Variants in MEGF6 observed in about 807,000 individuals in gnomAD.
MEGF6 encodes multiple epidermal growth factor-like domains protein 6.
In MEGF6, 184 loss-of-function variants were observed where a neutral mutation model predicts 207.1. That is an observed-to-expected ratio of 0.89 (90% CI 0.79 to 1.00). The LOEUF (loss-of-function observed/expected upper bound fraction) is 1.00. Among genes scored for constraint, MEGF6 ranks in the 50% least tolerant of loss-of-function variants. The pLI is 0.00. For missense variants in MEGF6, 2,282 were observed against 2,202.9 expected (o/e 1.04, Z -0.72); for synonymous variants, 1,038 against 910.0 (o/e 1.14, Z -2.53).
rs543749513 is a variant in MEGF6 at position 3,527,147 on chromosome 1, C to T, written c.482-2901G>A. ...CCCACCACCCTCCGGTTCCCACCCA[C>T]GGTCCCTGTGAAAATGCCCACCTTC... On this transcript the variant is annotated intron_variant, in intron 4 of 36. Coordinates refer to ENST00000356575, the MANE Select transcript of MEGF6 (RefSeq NM_001409.4). Among the ~76,000 whole-genome samples, 6 of 152,346 alleles carry T rather than the reference C, an allele frequency of 3.9e-5. No homozygotes were observed. In the East Asian group the frequency reaches 5.8e-4, roughly 15 times the overall value.
chr1:3,500,890 G>A (rs1022441927), intron 20 of MEGF6, 76 bp downstream of exon 20: 7 of 1,605,108 alleles, frequency 4.4e-6, no homozygotes, highest in African/African-American at 4.0e-5. Flanking sequence ...GTCCTCGGGG[G>A]CCCTGGGCAG....
intron 4 of MEGF6, among the ~76,000 whole-genome samples, chr1:3,555,401 C>T (rs575165695): frequency 8.5e-5 from 13 of 152,318 alleles, no homozygotes; most frequent in Admixed American, 1.3e-4. Flanking sequence ...ACCCCCAAGC[C>T]GCTCTGGGCC....
intron 3 of MEGF6, among the ~76,000 whole-genome samples, 169 bp from the exon 4 acceptor site, chr1:3,580,098 G>A (rs1304231501): frequency 6.6e-6 from 1 of 152,146 alleles, no homozygotes; most frequent in Non-Finnish European, 1.5e-5. Context: ...AGGCTGGCGT[G>A]TCCCCAAACT....
intron 4 of MEGF6, among the ~76,000 whole-genome samples, chr1:3,548,804 C>T (rs1039487247): frequency 2.0e-5 from 3 of 152,322 alleles, no homozygotes; most frequent in East Asian, 1.9e-4. Context: ...GGCAGCCTCA[C>T]AGCCACCCAC....
At chr1:3,509,362 T>A (rs1641246942) in intron 11 of MEGF6, 117 bp from the exon 12 acceptor site, 4 of 824,830 alleles carry the variant, frequency 4.8e-6, no homozygotes, top group Non-Finnish European at 6.9e-6. Flanking sequence ...ACCCTCCTAC[T>A]GCCTCCACTA....
the MEGF6 span, among the ~76,000 whole-genome samples, chr1:3,619,754 G>C: frequency 6.6e-6 from 1 of 152,196 alleles, no homozygotes. Flanking sequence ...TTCTTTATAG[G>C]AGTGTGAACG....
intron 31 of MEGF6, 44 bp from the exon 32 acceptor site, chr1:3,494,543 C>T: frequency 1.3e-6 from 2 of 1,569,526 alleles, no homozygotes; most frequent in Non-Finnish European, 8.6e-7. Flanking sequence ...ACCAGCCTTG[C>T]CCAGCCCTAT....
At chr1:3,530,991 G>A (rs555597474) in intron 4 of MEGF6, 8 of 1,389,092 alleles carry the variant, frequency 5.8e-6, no homozygotes, top group African/African-American at 1.5e-5. Flanking sequence ...GCAGCGCCCT[G>A]GCGCAAACTT....
Position 3,610,473 on chromosome 1 carries a change from C to CCCTCCTCCT in MEGF6, c.131+656_131+664dup, listed in dbSNP as rs879724888. On this transcript the variant is annotated intron_variant, in intron 1 of 36. Coordinates refer to ENST00000356575, the MANE Select transcript of MEGF6 (RefSeq NM_001409.4). ...TGCTGGGTGGGGGCGCCAGCGACTC[C>CCCTCCTCCT]CCTCCTCCTCCTCCTCCTCCTCCTC... 6.1e-5 allele frequency among the ~76,000 whole-genome samples: 9 copies of CCCTCCTCCT among 146,452 alleles called. No homozygotes were observed. The East Asian group carries it at 8.3e-4, about 14-fold the overall frequency.
rs758462490 is a variant in MEGF6 at position 3,498,487 on chromosome 1, C to G, written c.3236G>C (p.Arg1079Pro). 2 of 1,577,804 alleles carry G rather than the reference C, an allele frequency of 1.3e-6. No homozygotes were observed. Among genetic ancestry groups the G allele is most frequent in the Non-Finnish European group, 1.7e-6 (2 of 1,163,798 alleles). ...GLACEKECLP[R>P]DVRAGCRHSG... ...GTGCCGGCAGCCAGCTCTGACGTCC[C>G]GGGGGAGGCACTCTACAGGAGCAGA... The change falls in exon 26 of 37, where the codon CGG becomes CCG. Residue 1079 changes from arginine to proline, a missense_variant. By Grantham distance (103) the Arg-to-Pro change is moderately radical. Coordinates refer to ENST00000356575, the MANE Select transcript of MEGF6 (RefSeq NM_001409.4).
chr1:3,582,130 C>T (rs371716418), intron 3 of MEGF6, among the ~76,000 whole-genome samples: 2 of 152,202 alleles, frequency 1.3e-5, no homozygotes, highest in South Asian at 2.1e-4. Context: ...ACACCAGGCC[C>T]GGGGCAGCCA....
intron 7 of MEGF6, among the ~76,000 whole-genome samples, chr1:3,512,648 T>G (rs1641394969): frequency 6.6e-6 from 1 of 152,148 alleles, no homozygotes; most frequent in South Asian, 2.1e-4. Flanking sequence ...GCACAAGCCC[T>G]CTCTTTTCCT....
chr1:3,501,645 T>A, intron 18 of MEGF6, 151 bp downstream of exon 18: 1 of 1,174,444 alleles, frequency 8.5e-7, no homozygotes, highest in Non-Finnish European at 1.2e-6. Context: ...AGACCCCCCC[T>A]CCCTACCCCA....
rs1640744103 is a variant in MEGF6 at position 3,499,190 on chromosome 1, G to T, written c.3042C>A (p.Val1014=). ...ACFNGASCDP[V]HGQCHCAPGW... ...CAGGGGCACAGTGGCACTGCCCGTG[G>T]ACAGGGTCACAGGAGGCCCCGTTAA... The change falls in exon 24 of 37, where the codon GTC becomes GTA. Residue 1014 remains valine (V), a synonymous_variant. Transcript: ENST00000356575. 2 of 1,604,226 alleles carry T rather than the reference G, an allele frequency of 1.2e-6. No individual in the cohort carries two copies. The highest frequency in any genetic ancestry group is 1.7e-6 in the Non-Finnish European group (2 of 1,176,708).
intron 30 of MEGF6, among the ~76,000 whole-genome samples, chr1:3,495,220 C>G (rs1230246646): frequency 6.6e-6 from 1 of 152,286 alleles, no homozygotes; most frequent in Non-Finnish European, 1.5e-5. Flanking sequence ...GGGAGTGAGG[C>G]GGGGCCAAGC....
At chr1:3,593,923 GA>G (rs1644019489) in intron 3 of MEGF6, among the ~76,000 whole-genome samples, 1 of 152,124 alleles carries the variant, frequency 6.6e-6, no homozygotes, top group Admixed American at 6.5e-5. Flanking sequence ...TCCTCTACTG[GA>G]AAAACATGGC....
In MEGF6 at chr1:3,494,386, G is replaced by T; in HGVS notation, c.4114C>A (p.Gln1372Lys). 6.5e-7 allele frequency: 1 copy of T among 1,547,106 alleles called. No homozygotes were observed. The change falls in exon 32 of 37, where the codon CAG (glutamine) becomes AAG (lysine). Residue 1372 changes from glutamine (Q) to lysine (K), a missense_variant. By Grantham distance (53) the Gln-to-Lys change is moderately conservative (BLOSUM62 1). Transcript: ENST00000356575. ...CCCAACTCACGGTGCTCGCAGGCCT[G>T]GCCATAGAAGCCGGGGCCGCAGCGG... Reference protein sequence around the residue: ...TCRCGPGFYGQACEHPCPPGF... With the variant: ...TCRCGPGFYGKACEHPCPPGF...
At chr1:3,522,255 G>T (rs186755153) in intron 5 of MEGF6, among the ~76,000 whole-genome samples, 5 of 152,182 alleles carry the variant, frequency 3.3e-5, no homozygotes, top group Non-Finnish European at 7.4e-5. Context: ...GCACGCAGGC[G>T]AGAGTCTCAC....
intron 1 of MEGF6, among the ~76,000 whole-genome samples, chr1:3,610,922 G>C (rs1644316002): frequency 6.6e-6 from 1 of 152,148 alleles, no homozygotes; most frequent in East Asian, 1.9e-4. Flanking sequence ...GAGAGTGGGA[G>C]GGGGGGAGGG....
Sources: allele counts gnomAD v4.1 joint callset (sites outside exome capture counted in the v4.1 genomes callset), GRCh38; gene constraint gnomAD v4.1.1; transcripts MANE v1.5; gene names NCBI Gene and HGNC (gene_info 2026-07-23, HGNC 2026-07-21).